Variants in HUWE1 observed in about 807,000 individuals in gnomAD.
HUWE1 encodes HECT, UBA and WWE domain containing E3 ubiquitin protein ligase 1.
In HUWE1, 18 loss-of-function variants were observed where a neutral mutation model predicts 299.4. The ratio of observed to expected loss-of-function variants is 0.06; its 90% confidence interval spans 0.04 to 0.09. The LOEUF (loss-of-function observed/expected upper bound fraction) is 0.09, where lower values mean the gene tolerates loss of function less well. Among genes scored for constraint, HUWE1 ranks in the 10% least tolerant of loss-of-function variants. The pLI is 1.00. For missense variants in HUWE1, 1,832 were observed against 3,462.3 expected (o/e 0.53, Z 11.82); for synonymous variants, 1,317 against 1,286.1 (o/e 1.02, Z -0.51).
At chrX:53,593,212 T>A in intron 32 of HUWE1, 152 bp downstream of exon 32, 1 of 465,189 alleles carries the variant, frequency 2.1e-6, no homozygotes, top group Non-Finnish European at 3.8e-6. Context: ...AATTCTCAAA[T>A]GGTCTATATT....
chrX:53,629,341 TATA>T (rs1208444036), intron 13 of HUWE1, among the ~76,000 whole-genome samples, 172 bp downstream of exon 13: 1 of 111,395 alleles, frequency 9.0e-6, no homozygotes, highest in Non-Finnish European at 1.9e-5. Flanking sequence ...AGACTACGTA[TATA>T]ATGTGTATAC....
At chrX:53,611,790 G>A (rs978469295) in intron 23 of HUWE1, among the ~76,000 whole-genome samples, 2 of 109,007 alleles carry the variant, frequency 1.8e-5, no homozygotes, top group Admixed American at 9.7e-5. Flanking sequence ...CTCGGGAGGC[G>A]GAGGTTGCAG....
intron 13 of HUWE1, among the ~76,000 whole-genome samples, 167 bp from the exon 14 acceptor site, chrX:53,629,069 T>G (rs1557020506): frequency 9.0e-6 from 1 of 111,453 alleles, no homozygotes; most frequent in African/African-American, 3.3e-5. Flanking sequence ...TATTTGTTAG[T>G]TTTGCAGTTT....
intron 3 of HUWE1, 114 bp downstream of exon 3, chrX:53,679,935 A>C: frequency 3.4e-6 from 1 of 292,839 alleles, no homozygotes; most frequent in Non-Finnish European, 6.0e-6. Context: ...TCAGATCCAG[A>C]GAATGGAAGA....
intron 28 of HUWE1, among the ~76,000 whole-genome samples, chrX:53,600,996 G>A (rs1556989988): frequency 8.9e-6 from 1 of 111,751 alleles, no homozygotes; most frequent in African/African-American, 3.3e-5. Context: ...AATTTAGTAT[G>A]TTTTGACTAA....
At chrX:53,554,454 A>C (rs1344384859) in intron 61 of HUWE1, among the ~76,000 whole-genome samples, 179 bp downstream of exon 61, 1 of 111,476 alleles carries the variant, frequency 9.0e-6, no homozygotes, top group Non-Finnish European at 1.9e-5. Context: ...TAGACATTCA[A>C]CTATCACCAG....
At chrX:53,592,868 T>C (rs2064237383) in intron 32 of HUWE1, among the ~76,000 whole-genome samples, 1 of 111,884 alleles carries the variant, frequency 8.9e-6, no homozygotes, top group African/African-American at 3.3e-5. Flanking sequence ...TCCCCAATGC[T>C]GGAGGTGTTT....
rs2062310422 is a variant in HUWE1, at chrX:53,561,882, C to T, written c.7381G>A (p.Asp2461Asn). The change falls in exon 55 of 84, where the codon GAT becomes AAT. Residue 2461 changes from aspartate to asparagine, a missense_variant. Asp to Asn is a conservative substitution (Grantham distance 23). Coordinates refer to ENST00000262854, the MANE Select transcript of HUWE1 (RefSeq NM_031407.7). ...TCATCCAATTCCATCTCAGAGCCAT[C>T]GTCGTCATCGTCTTCATCTCCCTCT... ...GEEGDEDDDD[D>N]GSEMELDEDY... The T allele has an allele frequency of 2.5e-6, 3 of 1,211,054 alleles. No homozygotes were observed. The highest frequency in any genetic ancestry group is 3.4e-6 in the Non-Finnish European group (3 of 895,140).
Position 53,588,728 on chromosome X carries a change from A to G in HUWE1, c.4462-194T>C, listed in dbSNP as rs1345974122. Among the ~76,000 whole-genome samples, 3 of 112,189 alleles carry G rather than the reference A, an allele frequency of 2.7e-5. No homozygotes were observed. In the East Asian group the frequency reaches 8.3e-4, roughly 31 times the overall value. ...TGTATGCTACTAAAGGATCACCACT[A>G]AACAATTACTTTATTAGGCTAGACT... is the stretch of plus-strand genomic sequence containing the variant. On this transcript the variant is annotated intron_variant, in intron 36 of 83. Transcript: ENST00000262854.
intron 2 of HUWE1, among the ~76,000 whole-genome samples, chrX:53,681,430 TAAA>T (rs782160350): frequency 1.2e-5 from 1 of 84,974 alleles, no homozygotes; most frequent in African/African-American, 4.4e-5. Flanking sequence ...GACTCCATCT[TAAA>T]AAAAAAAAAA....
intron 3 of HUWE1, among the ~76,000 whole-genome samples, chrX:53,671,405 T>C (rs2069521442): frequency 8.9e-6 from 1 of 112,196 alleles, no homozygotes; most frequent in African/African-American, 3.2e-5. Context: ...AGGCATTACT[T>C]AAAATCATGA....
intron 24 of HUWE1, 118 bp from the exon 25 acceptor site, chrX:53,607,817 C>T: frequency 4.0e-6 from 2 of 502,882 alleles, no homozygotes; most frequent in Middle Eastern, 1.1e-3. Flanking sequence ...TATAGAGTAT[C>T]AAAACCTCAG....
intron 19 of HUWE1, among the ~76,000 whole-genome samples, chrX:53,623,422 C>T (rs1225846778): frequency 8.9e-6 from 1 of 111,873 alleles, no homozygotes; most frequent in East Asian, 2.8e-4. Context: ...CTGAACATAA[C>T]CTTAGCAGAG....
chrX:53,616,883 A>T, intron 21 of HUWE1, 87 bp downstream of exon 21: 1 of 786,418 alleles, frequency 1.3e-6, no homozygotes, highest in Non-Finnish European at 1.9e-6. Context: ...ACACCTAACC[A>T]GTAAAACGAT....
At chrX:53,568,912 T>C in intron 48 of HUWE1, 38 bp from the exon 49 acceptor site, 1 of 1,112,739 alleles carries the variant, frequency 9.0e-7, no homozygotes, top group Non-Finnish European at 1.2e-6. Flanking sequence ...CATATGAATA[T>C]AGCCATTTCT....
chrX:53,543,319 G>A (rs1192108626), intron 73 of HUWE1, among the ~76,000 whole-genome samples: 5 of 110,771 alleles, frequency 4.5e-5, no homozygotes, highest in African/African-American at 1.6e-4. Flanking sequence ...CCCCAACACT[G>A]AGCTGGCTAC....
chrX:53,610,555 T>A (rs1418077992), intron 23 of HUWE1, among the ~76,000 whole-genome samples: 1 of 111,787 alleles, frequency 8.9e-6, no homozygotes, highest in African/African-American at 3.3e-5. Context: ...CTCTGGTCAA[T>A]TTTCAGTATT....
chrX:53,623,954 C>T (rs1266036218), intron 19 of HUWE1, among the ~76,000 whole-genome samples: 1 of 112,248 alleles, frequency 8.9e-6, no homozygotes, highest in African/African-American at 3.2e-5. Context: ...TTTAAGAATT[C>T]TAGCACAGAT....
chrX:53,685,847 T>C (rs972128976), intron 2 of HUWE1, among the ~76,000 whole-genome samples: 8 of 112,105 alleles, frequency 7.1e-5, no homozygotes, highest in Non-Finnish European at 1.5e-4. Flanking sequence ...ATACATGGCA[T>C]GATACATATA....
Sources: gnomAD v4.1 joint callset for allele counts (sites outside exome capture counted in the v4.1 genomes callset) on GRCh38, gnomAD v4.1.1 for gene constraint, MANE v1.5 for transcripts, NCBI Gene and HGNC (gene_info 2026-07-23, HGNC 2026-07-21) for gene names.